The following GALNS variants were observed in gnomAD, a reference collection of about 807,000 sequenced individuals.
The protein encoded by GALNS is galactosamine (N-acetyl)-6-sulfatase, also known as N-acetylgalactosamine-6-sulfatase.
GALNS carries 65 observed loss-of-function variants against 65.9 expected under a neutral mutation model. That is an observed-to-expected ratio of 0.99 (90% CI 0.81 to 1.21). The LOEUF (loss-of-function observed/expected upper bound fraction) is 1.21. Ranked by LOEUF, GALNS falls within the 50% of genes most tolerant of loss-of-function variation. The pLI is 0.00. For missense variants in GALNS, 776 were observed against 700.7 expected (o/e 1.11, Z -1.21); for synonymous variants, 346 against 288.9 (o/e 1.20, Z -2.00).
In GALNS at chr16:88,843,195, T is replaced by A. The variant is rs780020150; in HGVS notation, c.121-366A>T. On this transcript the variant is annotated intron_variant, in intron 1 of 13. Transcript: ENST00000268695. Reference sequence around the variant, plus strand: ...TCGCAGGAGCTGGCCTCTAAACACGTGCATCTATTTTCAACATAAATACAC... The same window carrying A: ...TCGCAGGAGCTGGCCTCTAAACACGAGCATCTATTTTCAACATAAATACAC... 2.2e-6 allele frequency: 3 copies of A among 1,341,078 alleles called. No homozygotes were observed. The South Asian group carries it at 3.7e-5, about 16-fold the overall frequency. The allele number at this position is 1,341,078 out of a possible 1,614,324, so 83.1% of individuals were successfully genotyped here.
intron 3 of GALNS, 34 bp from the exon 4 acceptor site, chr16:88,841,128 A>C (rs1597580443): frequency 6.4e-7 from 1 of 1,563,042 alleles, no homozygotes; most frequent in Non-Finnish European, 8.8e-7. Flanking sequence ...CCCCGAGGAG[A>C]CCCCGAGAAG....
chr16:88,829,635 C>G (rs943043825), intron 9 of GALNS, among the ~76,000 whole-genome samples: 2 of 152,232 alleles, frequency 1.3e-5, no homozygotes, highest in East Asian at 3.9e-4. Flanking sequence ...GGGGACTGCC[C>G]AGGCATGGTG....
intron 10 of GALNS, among the ~76,000 whole-genome samples, chr16:88,825,277 G>A (rs1910735602): frequency 7.5e-6 from 1 of 133,784 alleles, no homozygotes. Flanking sequence ...TGGGTGTTTG[G>A]GCAGCCGGGG....
chr16:88,817,250 AC>A (rs1555517967), intron 13 of GALNS: 2 of 405,194 alleles, frequency 4.9e-6, no homozygotes, highest in Non-Finnish European at 5.5e-6. Flanking sequence ...GCTGGACAAG[AC>A]GACGACGCAT....
At chr16:88,839,651 C>G (rs1350754460) in intron 4 of GALNS, among the ~76,000 whole-genome samples, 3 of 152,260 alleles carry the variant, frequency 2.0e-5, no homozygotes, top group Non-Finnish European at 1.5e-5. Context: ...CCCCACCTGA[C>G]TGAGCAGCCG....
At chr16:88,815,189 C>G in intron 13 of GALNS, 1 of 985,496 alleles carries the variant, frequency 1.0e-6, no homozygotes, top group African/African-American at 1.7e-5. Context: ...CTCGGCCTCT[C>G]AGCTCTGAAG....
In GALNS at chr16:88,836,049, C is replaced by T. The variant is rs556384290; in HGVS notation, c.633+152G>A. ...TGGTGCGGTCCCCGTCCCCACGCGT[C>T]CCACGGGGCGAGGGTGATGAGGTCC... On this transcript the variant is annotated intron_variant, in intron 6 of 13. Transcript: ENST00000268695. 8.6e-5 allele frequency: 94 copies of T among 1,095,166 alleles called. 1 individual carries two copies. The South Asian group carries it at 1.2e-3, about 14-fold the overall frequency. 67.8% of individuals were successfully genotyped at this position (1,095,166 alleles called of 1,614,324 possible).
intron 1 of GALNS, 194 bp from the exon 2 acceptor site, chr16:88,843,023 C>T: frequency 1.3e-6 from 2 of 1,523,116 alleles, no homozygotes; most frequent in Non-Finnish European, 1.8e-6. Flanking sequence ...TCCACGCCAG[C>T]CCAAACCTCA....
intron 1 of GALNS, chr16:88,855,606 G>T: frequency 3.1e-6 from 2 of 640,420 alleles, no homozygotes; most frequent in South Asian, 1.7e-5. Flanking sequence ...AATTATGGGT[G>T]GTGTCTGTTA....
At chr16:88,827,730 G>C (rs932157511) in intron 9 of GALNS, among the ~76,000 whole-genome samples, 8 of 152,230 alleles carry the variant, frequency 5.3e-5, no homozygotes, top group Non-Finnish European at 1.2e-4. Context: ...ACAGGCATGA[G>C]CCCGGCGGCC....
In GALNS at chr16:88,835,301, C is replaced by G; in HGVS notation, c.810G>C (p.Glu270Asp). ...EIDDSIGKIL[E>D]LLQDLHVADN... The stretch of plus-strand genomic sequence containing the variant: ...CCGCGACGTGCAGGTCTTGGAGGAG[C>G]TCCAGTATCTTCCCAATGCTGTCAT... Residue 270 changes from glutamate (E) to aspartate (D), a missense_variant, in exon 8 of 14, where the codon GAG becomes GAC. Physicochemically the swap from Glu to Asp is conservative, Grantham distance 45. Transcript: ENST00000268695. 6.2e-7 allele frequency: 1 copy of G among 1,613,562 alleles called. No individual in the cohort carries two copies.
Position 88,856,883 on chromosome 16 carries a change from C to T in GALNS, c.-6G>A. 1 of 1,506,112 alleles carries T rather than the reference C, an allele frequency of 6.6e-7. No individual in the cohort carries two copies. Among genetic ancestry groups the T allele is most frequent in the Non-Finnish European group, 8.8e-7 (1 of 1,136,090 alleles). The allele number at this position is 1,506,112 out of a possible 1,614,324, so 93.3% of individuals were successfully genotyped here. A position where few individuals can be genotyped will look rare whatever the true frequency, so the allele number is the denominator to read the frequency against. ...GCCGCGACAACCGCCGCCATGGCAA[C>T]CACGGGAGCCGCGGAGCCCCGGCCA... On this transcript the variant is annotated 5_prime_UTR_variant, in exon 1 of 14. Transcript: ENST00000268695.
intron 7 of GALNS, 54 bp downstream of exon 7, chr16:88,835,671 C>G: frequency 6.2e-7 from 1 of 1,611,462 alleles, no homozygotes; most frequent in Non-Finnish European, 8.5e-7. Flanking sequence ...TCTCTGGAGT[C>G]AAGCACAGCT....
chr16:88,833,512 T>C (rs562215892), intron 8 of GALNS, among the ~76,000 whole-genome samples: 5 of 149,608 alleles, frequency 3.3e-5, no homozygotes, highest in Non-Finnish European at 5.9e-5. Context: ...AGTGCAGTGG[T>C]GCGATCTCGG....
At chr16:88,854,127 C>T (rs902839336) in intron 1 of GALNS, among the ~76,000 whole-genome samples, 1 of 152,164 alleles carries the variant, frequency 6.6e-6, no homozygotes, top group Non-Finnish European at 1.5e-5. Context: ...GGGCCATGCT[C>T]CAAAATCTGA....
At chr16:88,828,192 A>C (rs1042071215) in intron 9 of GALNS, among the ~76,000 whole-genome samples, 36 of 151,716 alleles carry the variant, frequency 2.4e-4, no homozygotes, top group Non-Finnish European at 1.3e-4. Context: ...GTGTCCTTTA[A>C]AGGACAGAAT....
chr16:88,848,586 A>AG, intron 1 of GALNS, among the ~76,000 whole-genome samples: 3 of 149,856 alleles, frequency 2.0e-5, no homozygotes, highest in South Asian at 4.3e-4. Context: ...AAAAAAAAAA[A>AG]GGAAGTGCGG....
intron 11 of GALNS, among the ~76,000 whole-genome samples, chr16:88,824,159 G>A (rs1487926819): frequency 6.6e-6 from 1 of 152,150 alleles, no homozygotes; most frequent in Non-Finnish European, 1.5e-5. Context: ...GAGTGGGTGG[G>A]GCTGAGAGAG....
chr16:88,853,725 G>A (rs144680019), intron 1 of GALNS, among the ~76,000 whole-genome samples: 8 of 152,298 alleles, frequency 5.3e-5, no homozygotes, highest in African/African-American at 4.8e-5. Flanking sequence ...CCTCACTCAC[G>A]CAGCAGGTGC....
Sources: gnomAD v4.1 joint callset for allele counts (sites outside exome capture counted in the v4.1 genomes callset) on GRCh38, gnomAD v4.1.1 for gene constraint, MANE v1.5 for transcripts, NCBI Gene and HGNC (gene_info 2026-07-23, HGNC 2026-07-21) for gene names.